Variants in FAM20A observed in about 807,000 individuals in gnomAD.
FAM20A encodes the protein FAM20A golgi associated secretory pathway pseudokinase.
FAM20A carries 42 observed loss-of-function variants against 52.0 expected under a neutral mutation model. The ratio of observed to expected loss-of-function variants is 0.81; its 90% confidence interval spans 0.63 to 1.04. FAM20A has a LOEUF of 1.04. Among genes scored for constraint, FAM20A ranks in the 50% least tolerant of loss-of-function variants. The pLI is 0.00. For missense variants in FAM20A, 742 were observed against 712.7 expected, an observed-to-expected ratio of 1.04 and a Z score of -0.47; for synonymous variants, 304 against 298.9, an observed-to-expected ratio of 1.02 and a Z score of -0.18.
Position 68,542,091 on chromosome 17 carries a change from G to A in FAM20A, c.1003C>T (p.Leu335=). The change falls in exon 7 of 11, where the codon CTG becomes TTG. Residue 335 remains leucine (L), a synonymous_variant. Coordinates refer to ENST00000592554, the MANE Select transcript of FAM20A (RefSeq NM_017565.4). ...AAGGCAGAGAGGGAACCCTCCAGCA[G>A]GTGTGGGTTGCCACAGACAGCATAC... is the stretch of plus-strand genomic sequence containing the variant. ...TEYAVCGNPH[L]LEGSLSAFLP... 6.2e-7 allele frequency: 1 copy of A among 1,614,018 alleles called. No individual in the cohort carries two copies. The highest frequency in any genetic ancestry group is 8.5e-7 in the Non-Finnish European group (1 of 1,179,898).
At chr17:68,542,299 A>G (rs1600527110) in intron 6 of FAM20A, 134 bp from the exon 7 acceptor site, 12 of 1,008,960 alleles carry the variant, frequency 1.2e-5, no homozygotes, top group Non-Finnish European at 1.6e-5. Context: ...AAGAAGAAGG[A>G]AACATTGACT....
intron 1 of FAM20A, among the ~76,000 whole-genome samples, chr17:68,597,319 T>C (rs916186458): frequency 7.2e-5 from 11 of 152,018 alleles, no homozygotes; most frequent in African/African-American, 2.7e-4. Flanking sequence ...TCTCCTGGTG[T>C]GGTGGACAGT....
intron 1 of FAM20A, among the ~76,000 whole-genome samples, chr17:68,565,544 C>T (rs1044578018): frequency 6.6e-6 from 1 of 151,846 alleles, no homozygotes; most frequent in Non-Finnish European, 1.5e-5. Context: ...CAGGTGTGTG[C>T]CACCAAGCAT....
At position 68,585,898 on chromosome 17, in the gene FAM20A, T is replaced by C. The variant is rs183889025; in HGVS notation, c.404+14365A>G. ...AAATGCTAGTCCTGACACCATACAG[T>C]GTCCTCTCTTGGAGGAGGTGAGGCG... On this transcript the variant is annotated intron_variant, in intron 1 of 10. Coordinates refer to ENST00000592554, the MANE Select transcript of FAM20A (RefSeq NM_017565.4). Among the ~76,000 whole-genome samples the C allele has an allele frequency of 2.3e-3, 343 of 152,328 alleles. 1 individual carries two copies. The highest frequency in any genetic ancestry group is 8.1e-3 in the African/African-American group (335 of 41,568).
At chr17:68,559,434 T>A (rs1029493737) in intron 1 of FAM20A, among the ~76,000 whole-genome samples, 1 of 152,152 alleles carries the variant, frequency 6.6e-6, no homozygotes, top group Non-Finnish European at 1.5e-5. Context: ...AAAGTATATA[T>A]CACAAAAATA....
Position 68,600,472 on chromosome 17 carries a change from G to T in FAM20A, c.195C>A (p.Gly65=). 6.2e-7 allele frequency: 1 copy of T among 1,606,460 alleles called. No individual in the cohort carries two copies. The highest frequency in any genetic ancestry group is 2.2e-5 in the East Asian group (1 of 44,492). The change falls in exon 1 of 11, where the codon GGC becomes GGA. Residue 65 remains glycine (G), a synonymous_variant. Transcript: ENST00000592554. This position sits in a 1 kb window ranked among gnomAD's most constrained non-coding sequence, Gnocchi z 6.2. ...RDSAAAASDP[G]TIVHNFSRTE... is the part of the protein sequence containing the mutation. ...TTCGGGAAAAGTTGTGCACGATCGT[G>T]CCGGGGTCCGAGGCAGCTGCGGCCG... is the stretch of plus-strand genomic sequence containing the variant.
intron 7 of FAM20A, chr17:68,541,738 C>G (rs2086305243): frequency 4.5e-6 from 2 of 443,888 alleles, no homozygotes; most frequent in Non-Finnish European, 8.1e-6. Flanking sequence ...AGGAGAGAGT[C>G]TGAGTCTTCC....
Position 68,595,530 on chromosome 17 carries a change from T to C in FAM20A, c.404+4733A>G, listed in dbSNP as rs142273963. Among the ~76,000 whole-genome samples the C allele has an allele frequency of 5.1e-3, 773 of 152,276 alleles. 7 individuals carry two copies. Among genetic ancestry groups the C allele is most frequent in the Middle Eastern group, 6.8e-3 (2 of 294 alleles). Reference sequence around the variant, plus strand: ...CAAAACTAGTCCAGCAAGGCTCTAATTGGGAGAAATGGGAAATGGAAGTCA... The same window carrying C: ...CAAAACTAGTCCAGCAAGGCTCTAACTGGGAGAAATGGGAAATGGAAGTCA... On this transcript the variant is annotated intron_variant, in intron 1 of 10. Coordinates refer to ENST00000592554, the MANE Select transcript of FAM20A (RefSeq NM_017565.4).
At chr17:68,575,108 T>A (rs2087689762) in intron 1 of FAM20A, 1 of 151,906 alleles carries the variant, frequency 6.6e-6, no homozygotes. Flanking sequence ...AGATAAGAAA[T>A]GGATTCTCGC....
In FAM20A at chr17:68,600,856, C is replaced by T. The variant is rs2143968498; in HGVS notation, c.-190G>A. Reference sequence around the variant, plus strand: ...CGCTCCTCAACTTGGGGACCAGGTGCACGGAGCACCGGGGCTCTCGGAGTC... The same window carrying T: ...CGCTCCTCAACTTGGGGACCAGGTGTACGGAGCACCGGGGCTCTCGGAGTC... On this transcript the variant is annotated 5_prime_UTR_variant, in exon 1 of 11. Transcript: ENST00000592554. This position sits in a 1 kb window ranked among gnomAD's most constrained non-coding sequence, Gnocchi z 6.2. 1.7e-6 allele frequency: 1 copy of T among 584,156 alleles called. No homozygotes were observed. Among genetic ancestry groups the T allele is most frequent in the Non-Finnish European group, 2.9e-6 (1 of 344,420 alleles). 36.2% of individuals were successfully genotyped at this position (584,156 alleles called of 1,614,324 possible).
rs1052908654 is a variant in FAM20A, at chr17:68,535,698, G to A, written c.*1779C>T. 1 of 447,658 alleles carries A rather than the reference G, an allele frequency of 2.2e-6. No individual in the cohort carries two copies. Among genetic ancestry groups the A allele is most frequent in the Admixed American group, 2.4e-5 (1 of 41,256 alleles). The allele number at this position is 447,658 out of a possible 1,614,324, so 27.7% of individuals were successfully genotyped here. ...TTTTTTTTTTGTATTTTTTTGTAGA[G>A]ACAGGGTTTTGTCATGTTACCCAGG... On this transcript the variant is annotated 3_prime_UTR_variant, in exon 11 of 11. Coordinates refer to ENST00000592554, the MANE Select transcript of FAM20A (RefSeq NM_017565.4).
chr17:68,581,505 TTCTC>T (rs1233226942), intron 1 of FAM20A, among the ~76,000 whole-genome samples: 1 of 83,574 alleles, frequency 1.2e-5, no homozygotes, highest in Admixed American at 1.8e-4. Flanking sequence ...TCTTTCTTCT[TTCTC>T]TTTCTCTCCT....
At chr17:68,560,193 A>G (rs113104771) in intron 1 of FAM20A, among the ~76,000 whole-genome samples, 4,541 of 152,158 alleles carry the variant, frequency 0.03, 218 homozygotes, top group African/African-American at 0.1. Flanking sequence ...CGGCCTGCCA[A>G]AGTGCTGGGG....
intron 10 of FAM20A, among the ~76,000 whole-genome samples, chr17:68,538,543 T>G (rs1158830592): frequency 6.6e-6 from 1 of 152,210 alleles, no homozygotes; most frequent in Non-Finnish European, 1.5e-5. Flanking sequence ...ACTGGAGAAG[T>G]GTGGAAGTAA....
chr17:68,545,912 G>T (rs781555744), intron 4 of FAM20A, among the ~76,000 whole-genome samples: 5 of 152,204 alleles, frequency 3.3e-5, no homozygotes, highest in Non-Finnish European at 5.9e-5. Context: ...GCTCATGCCT[G>T]TAATCCAAGC....
At chr17:68,571,490 A>C (rs1334379012) in intron 1 of FAM20A, among the ~76,000 whole-genome samples, 2 of 152,198 alleles carry the variant, frequency 1.3e-5, no homozygotes, top group African/African-American at 4.8e-5. Flanking sequence ...TGGAGTTCAT[A>C]AGGTTGGTCT....
chr17:68,541,671 G>C (rs1464029889), intron 7 of FAM20A: 2 of 168,204 alleles, frequency 1.2e-5, no homozygotes, highest in Non-Finnish European at 1.2e-5. Context: ...GTGCTGTGCT[G>C]TGTTTTCGTG....
At chr17:68,575,791 T>TACACACACACACACAC (rs761949775) in intron 1 of FAM20A, among the ~76,000 whole-genome samples, 4,124 of 104,132 alleles carry the variant, frequency 0.04, 154 homozygotes, top group Admixed American at 0.1. Context: ...TTTTATATTA[T>TACACACACACACACAC]ACACACACAC....
Position 68,542,015 on chromosome 17 carries a change from A to G in FAM20A, c.1079T>C (p.Ile360Thr), listed in dbSNP as rs1333355487. 6.2e-7 allele frequency: 1 copy of G among 1,614,004 alleles called. No homozygotes were observed. Among genetic ancestry groups the G allele is most frequent in the Middle Eastern group, 1.7e-4 (1 of 6,058 alleles). The change falls in exon 7 of 11, where the codon ATC becomes ACC. Residue 360 changes from isoleucine (I) to threonine (T), a missense_variant. Physicochemically the swap from Ile to Thr is moderately conservative, Grantham distance 89. Transcript: ENST00000592554. ...TTTTCCTGCCAGTGTGTAGGAGCGGATCCAGGGGTTGGGCACAGACAGCCT... is the reference window on the plus strand; with the variant it reads ...TTTTCCTGCCAGTGTGTAGGAGCGGGTCCAGGGGTTGGGCACAGACAGCCT... ...APRLSVPNPW[I>T]RSYTLAGKEE...
Sources: allele counts gnomAD v4.1 joint callset (sites outside exome capture counted in the v4.1 genomes callset), GRCh38; gene constraint gnomAD v4.1.1; non-coding constraint Gnocchi (gnomAD v3.1); transcripts MANE v1.5; gene names NCBI Gene and HGNC (gene_info 2026-07-23, HGNC 2026-07-21).